Variants in CEP290 observed in about 807,000 individuals in gnomAD.
The protein encoded by CEP290 is centrosomal protein 290, also known as centrosomal protein of 290 kDa.
A neutral mutation model predicts 344.9 loss-of-function variants in CEP290; 317 were observed. That is an observed-to-expected ratio of 0.92 (90% CI 0.84 to 1.01). CEP290 has a LOEUF of 1.01. Ranked by LOEUF, CEP290 falls within the 50% of genes least tolerant of loss-of-function variation. The pLI, the probability that CEP290 is intolerant of heterozygous loss-of-function variation, is 0.00. For missense variants in CEP290, 2,754 were observed against 2,761.4 expected, an observed-to-expected ratio of 1.00 and a Z score of 0.06; for synonymous variants, 932 against 895.8, an observed-to-expected ratio of 1.04 and a Z score of -0.72.
intron 13 of CEP290, among the ~76,000 whole-genome samples, chr12:88,122,147 G>A (rs1309012797): frequency 6.6e-6 from 1 of 152,094 alleles, no homozygotes; most frequent in East Asian, 1.9e-4. Context: ...GCTGTCTGGA[G>A]CTAACATCTA....
intron 6 of CEP290, among the ~76,000 whole-genome samples, chr12:88,133,038 C>CCTATGT: frequency 6.6e-6 from 1 of 151,124 alleles, no homozygotes; most frequent in South Asian, 2.1e-4. Context: ...CCACCTCCAT[C>CCTATGT]CCATGTCCCT....
intron 22 of CEP290, among the ~76,000 whole-genome samples, chr12:88,109,479 T>A (rs1405392218): frequency 6.6e-6 from 1 of 152,210 alleles, no homozygotes; most frequent in Non-Finnish European, 1.5e-5. Flanking sequence ...CCCTCTCTTA[T>A]GAACACATAA....
intron 17 of CEP290, among the ~76,000 whole-genome samples, chr12:88,117,666 CT>C (rs2039136220): frequency 6.6e-6 from 1 of 152,176 alleles, no homozygotes; most frequent in South Asian, 2.1e-4. Flanking sequence ...ACCAACTGTT[CT>C]CTTTAGCTCA....
intron 7 of CEP290, among the ~76,000 whole-genome samples, chr12:88,130,838 T>A (rs2040023807): frequency 6.6e-6 from 1 of 151,952 alleles, no homozygotes; most frequent in South Asian, 2.1e-4. Context: ...ATTCCACAAG[T>A]AACAAAAAAT....
chr12:88,060,800 C>T, intron 47 of CEP290, 30 bp downstream of exon 47: 3 of 1,446,118 alleles, frequency 2.1e-6, no homozygotes, highest in Non-Finnish European at 2.8e-6. Context: ...AAAATATTCC[C>T]CTAAAAATGA....
In CEP290 at chr12:88,114,452, G is replaced by A. The variant is rs1257108424; in HGVS notation, c.2020C>T (p.Leu674=). Residue 674 remains leucine, a synonymous_variant, in exon 20 of 54, where the codon CTA becomes TTA. Transcript: ENST00000552810. The part of the protein sequence containing the change: ...DPDVKGGETS[L]IIPSLERLVN... ...AGTCTTTCAAGGCTAGGGATAATTAGAGATGTTTCTCCTCCTTTAACATCA... is the reference window on the plus strand; with the variant it reads ...AGTCTTTCAAGGCTAGGGATAATTAAAGATGTTTCTCCTCCTTTAACATCA... The A allele has an allele frequency of 6.5e-7, 1 of 1,546,852 alleles. No individual in the cohort carries two copies. Among genetic ancestry groups the A allele is most frequent in the East Asian group, 2.5e-5 (1 of 40,668 alleles).
At position 88,140,775 on chromosome 12, in the gene CEP290, T is replaced by C. The variant is rs115165018; in HGVS notation, c.180+181A>G. ...CCCCTACACACCCTTTTAGAAACTT[T>C]AAGTAGAAACTAGCAATGTTTTATA... On this transcript the variant is annotated intron_variant, in intron 3 of 53. Coordinates refer to ENST00000552810, the MANE Select transcript of CEP290 (RefSeq NM_025114.4). Among the ~76,000 whole-genome samples the C allele has an allele frequency of 4.3e-3, 649 of 152,378 alleles. 5 individuals carry two copies. The highest frequency in any genetic ancestry group is 0.015 in the African/African-American group (618 of 41,588).
intron 20 of CEP290, among the ~76,000 whole-genome samples, chr12:88,113,279 G>C (rs1032664504): frequency 2.6e-5 from 4 of 152,030 alleles, no homozygotes; most frequent in Non-Finnish European, 4.4e-5. Flanking sequence ...CACAGTATCA[G>C]TAGTGGGCAT....
In CEP290 at chr12:88,086,389, AC is replaced by A; in HGVS notation, c.4302+1del. 6.3e-7 allele frequency: 1 copy of A among 1,575,844 alleles called. No homozygotes were observed. The highest frequency in any genetic ancestry group is 1.2e-5 in the South Asian group (1 of 86,322). ...GTAACAAACAAGATTAATCATTCATACCTTTTGTGCCGCATTTAGTATTTCA... is the reference window on the plus strand; with the variant it reads ...GTAACAAACAAGATTAATCATTCATACTTTTGTGCCGCATTTAGTATTTCA... On this transcript the variant is annotated splice_donor_variant, in intron 33 of 53. Coordinates refer to ENST00000552810, the MANE Select transcript of CEP290 (RefSeq NM_025114.4). LOFTEE classifies it high-confidence loss of function.
In CEP290 at chr12:88,062,771, ACTTGATT is replaced by A. The variant is rs1565796718; in HGVS notation, c.6271_6277del (p.Asn2091SerfsTer4). The A allele has an allele frequency of 1.3e-6, 2 of 1,572,666 alleles. No individual in the cohort carries two copies. Among genetic ancestry groups the A allele is most frequent in the Non-Finnish European group, 1.7e-6 (2 of 1,155,236 alleles). ...TTCACACATTTCCTTCAAATCTCTG[ACTTGATT>A]CTGAAAGATAACAAGCAAACATGTA... is the stretch of plus-strand genomic sequence containing the variant. On this transcript the variant is annotated frameshift_variant and splice_region_variant, in exon 46 of 54. Coordinates refer to ENST00000552810, the MANE Select transcript of CEP290 (RefSeq NM_025114.4). LOFTEE classifies it high-confidence loss of function.
intron 25 of CEP290, among the ~76,000 whole-genome samples, chr12:88,105,247 C>G (rs1311133077): frequency 6.6e-6 from 1 of 152,096 alleles, no homozygotes; most frequent in Non-Finnish European, 1.5e-5. Flanking sequence ...ATATAAGAGT[C>G]AACTTTAAAG....
At chr12:88,139,216 A>G in intron 4 of CEP290, 25 bp from the exon 5 acceptor site, 1 of 980,406 alleles carries the variant, frequency 1.0e-6, no homozygotes, top group Non-Finnish European at 1.5e-6. Context: ...AAAAAGAAAA[A>G]CGTTTTAATT....
intron 34 of CEP290, 23 bp from the exon 35 acceptor site, chr12:88,084,875 A>T (rs1161926529): frequency 6.9e-7 from 1 of 1,458,142 alleles, no homozygotes; most frequent in Non-Finnish European, 9.1e-7. Flanking sequence ...AATTATAATA[A>T]ATCATTAAAG....
intron 11 of CEP290, among the ~76,000 whole-genome samples, chr12:88,128,000 C>T (rs1203401314): frequency 6.6e-6 from 1 of 152,128 alleles, no homozygotes; most frequent in African/African-American, 2.4e-5. Context: ...GTAAAGACAA[C>T]TGTTTTTTCC....
At chr12:88,069,148 T>G (rs1222781345) in intron 43 of CEP290, among the ~76,000 whole-genome samples, 1 of 152,134 alleles carries the variant, frequency 6.6e-6, no homozygotes, top group East Asian at 1.9e-4. Flanking sequence ...TATCCAACCT[T>G]ATTGTCCAGG....
intron 47 of CEP290, among the ~76,000 whole-genome samples, chr12:88,060,429 G>A (rs868639630): frequency 3.9e-5 from 6 of 152,094 alleles, no homozygotes; most frequent in African/African-American, 1.4e-4. Flanking sequence ...CGTGGTGGTG[G>A]GCACCTGTAG....
intron 3 of CEP290, among the ~76,000 whole-genome samples, chr12:88,140,013 C>G (rs1225220029): frequency 1.3e-5 from 2 of 152,188 alleles, no homozygotes; most frequent in Non-Finnish European, 2.9e-5. Context: ...GCCTTGGCCT[C>G]CCAAAGTGCT....
intron 41 of CEP290, among the ~76,000 whole-genome samples, chr12:88,073,625 T>C (rs2035545202): frequency 6.6e-6 from 1 of 152,094 alleles, no homozygotes; most frequent in Non-Finnish European, 1.5e-5. Flanking sequence ...TCTGAAAGGG[T>C]TGAGAACCAT....
At chr12:88,087,694 T>A in intron 32 of CEP290, 86 bp downstream of exon 32, 1 of 432,628 alleles carries the variant, frequency 2.3e-6, no homozygotes, top group Admixed American at 7.4e-5. Flanking sequence ...CACTCCAGTC[T>A]GGGCGACAGA....
Sources: allele counts gnomAD v4.1 joint callset (sites outside exome capture counted in the v4.1 genomes callset), GRCh38; gene constraint gnomAD v4.1.1; transcripts MANE v1.5; gene names NCBI Gene and HGNC (gene_info 2026-07-23, HGNC 2026-07-21).